Variants in ABTB3 observed in about 807,000 individuals in gnomAD.
The protein encoded by ABTB3 is ankyrin repeat and BTB domain containing 3, also known as ankyrin repeat- and BTB/POZ domain-containing protein 3.
At chr12:107,387,571 G>A in the ABTB3 span, among the ~76,000 whole-genome samples, 4 of 152,208 alleles carry the variant, frequency 2.6e-5, no homozygotes, top group African/African-American at 9.6e-5. Flanking sequence ...ATGGTAACAA[G>A]TGTTCCAGGT....
the ABTB3 span, among the ~76,000 whole-genome samples, chr12:107,655,973 T>C: frequency 3.3e-5 from 5 of 152,120 alleles, no homozygotes; most frequent in Non-Finnish European, 7.3e-5. Flanking sequence ...TCCTAGGAGC[T>C]GTATTCATCA....
At chr12:107,389,772 A>G in the ABTB3 span, among the ~76,000 whole-genome samples, 11 of 151,214 alleles carry the variant, frequency 7.3e-5, no homozygotes, top group African/African-American at 2.7e-4. Context: ...ATGACTCCCT[A>G]AAATGTCTGG....
chr12:107,529,092 GTGA>G, the ABTB3 span, among the ~76,000 whole-genome samples: 1 of 150,262 alleles, frequency 6.7e-6, no homozygotes, highest in East Asian at 2.0e-4. Flanking sequence ...GGTGGTGATG[GTGA>G]TGATGATGGT....
the ABTB3 span, chr12:107,520,462 TTC>T: frequency 1.2e-6 from 2 of 1,606,920 alleles, no homozygotes; most frequent in East Asian, 2.2e-5. Context: ...TTTCCTTTCA[TTC>T]TCTGTCTCCC....
chr12:107,395,568 C>T, the ABTB3 span, among the ~76,000 whole-genome samples: 1 of 152,166 alleles, frequency 6.6e-6, no homozygotes, highest in African/African-American at 2.4e-5. Context: ...CTGTTCCAAC[C>T]GTGTCCAAGC....
chr12:107,654,838 A>G, the ABTB3 span, among the ~76,000 whole-genome samples: 3 of 149,198 alleles, frequency 2.0e-5, no homozygotes, highest in African/African-American at 7.7e-5. Context: ...ACACACACAC[A>G]CACACACACA....
At chr12:107,547,594 A>G in the ABTB3 span, among the ~76,000 whole-genome samples, 38 of 152,300 alleles carry the variant, frequency 2.5e-4, no homozygotes, top group African/African-American at 8.2e-4. Flanking sequence ...CATTCTTTCC[A>G]TGCCTCTTTG....
the ABTB3 span, chr12:107,635,358 C>T: frequency 1.9e-6 from 3 of 1,613,760 alleles, no homozygotes; most frequent in Non-Finnish European, 2.5e-6. Context: ...CCCAAGCTCA[C>T]AGAAATCAAA....
chr12:107,413,227 T>C, the ABTB3 span, among the ~76,000 whole-genome samples: 1 of 151,852 alleles, frequency 6.6e-6, no homozygotes, highest in Non-Finnish European at 1.5e-5. Context: ...TGAGCCGAGA[T>C]CGCGCCACTG....
chr12:107,413,734 C>T, the ABTB3 span, among the ~76,000 whole-genome samples: 9 of 152,330 alleles, frequency 5.9e-5, no homozygotes, highest in African/African-American at 2.2e-4. Flanking sequence ...TTCACATTAG[C>T]ATCACCTGGG....
At chr12:107,420,398 C>A in the ABTB3 span, among the ~76,000 whole-genome samples, 1 of 152,118 alleles carries the variant, frequency 6.6e-6, no homozygotes, top group Non-Finnish European at 1.5e-5. Flanking sequence ...TGGCGTAAGG[C>A]AAAGGAAGAG....
At chr12:107,563,539 C>T in the ABTB3 span, among the ~76,000 whole-genome samples, 2 of 152,092 alleles carry the variant, frequency 1.3e-5, no homozygotes, top group Non-Finnish European at 2.9e-5. Context: ...ATTCATGCCC[C>T]TACAATTCAT....
chr12:107,325,612 A>T, the ABTB3 span, among the ~76,000 whole-genome samples: 2 of 152,208 alleles, frequency 1.3e-5, no homozygotes, highest in African/African-American at 2.4e-5. Flanking sequence ...CTGAAGACCT[A>T]GGGTCAAGGG....
chr12:107,519,072 AG>A, the ABTB3 span, among the ~76,000 whole-genome samples: 1 of 152,182 alleles, frequency 6.6e-6, no homozygotes, highest in Non-Finnish European at 1.5e-5. Context: ...GATACTTGGT[AG>A]GTGTATCTGT....
the ABTB3 span, chr12:107,318,702 C>T: frequency 3.7e-5 from 18 of 484,664 alleles, no homozygotes; most frequent in Non-Finnish European, 6.5e-5. Context: ...TGGCTCGCTC[C>T]CCATTGCGCC....
At chr12:107,533,525 AC>A in the ABTB3 span, among the ~76,000 whole-genome samples, 1 of 152,228 alleles carries the variant, frequency 6.6e-6, no homozygotes, top group South Asian at 2.1e-4. Flanking sequence ...ATAAAAAGAG[AC>A]AAAGAAGGTC....
chr12:107,515,562 G>A, the ABTB3 span, among the ~76,000 whole-genome samples: 1 of 152,178 alleles, frequency 6.6e-6, no homozygotes, highest in Non-Finnish European at 1.5e-5. Context: ...ACCATCAGAT[G>A]AGGAATTGGC....
At chr12:107,515,054 G>A in the ABTB3 span, among the ~76,000 whole-genome samples, 1 of 152,130 alleles carries the variant, frequency 6.6e-6, no homozygotes, top group East Asian at 1.9e-4. Flanking sequence ...AGTCCGATGA[G>A]GAAAACAAGG....
the ABTB3 span, among the ~76,000 whole-genome samples, chr12:107,608,947 A>AAAATAAAATAAAAT: frequency 1.3e-4 from 11 of 84,706 alleles, no homozygotes; most frequent in East Asian, 2.3e-3. Context: ...TAAAATAAAT[A>AAAATAAAATAAAAT]AAATAAAATA....
Sources: gnomAD v4.1 joint callset for allele counts (sites outside exome capture counted in the v4.1 genomes callset) on GRCh38, gnomAD v4.1.1 for gene constraint, MANE v1.5 for transcripts, NCBI Gene and HGNC (gene_info 2026-07-23, HGNC 2026-07-21) for gene names.